Variants in GABRA2 observed in about 807,000 individuals in gnomAD.
GABRA2 encodes gamma-aminobutyric acid type A receptor subunit alpha2.
GABRA2 carries 16 observed loss-of-function variants against 48.7 expected under a neutral mutation model. The ratio of observed to expected loss-of-function variants is 0.33; its 90% confidence interval spans 0.22 to 0.50. The LOEUF (loss-of-function observed/expected upper bound fraction) is 0.50, where lower values mean the gene tolerates loss of function less well. Ranked by LOEUF, GABRA2 falls within the 20% of genes least tolerant of loss-of-function variation. The pLI is 0.98. For missense variants in GABRA2, 275 were observed against 535.6 expected, an observed-to-expected ratio of 0.51 and a Z score of 4.80; for synonymous variants, 185 against 184.5, an observed-to-expected ratio of 1.00 and a Z score of -0.02.
intron 3 of GABRA2, among the ~76,000 whole-genome samples, chr4:46,380,000 T>C (rs1328787415): frequency 6.6e-6 from 1 of 152,194 alleles, no homozygotes; most frequent in Admixed American, 6.5e-5. Flanking sequence ...AAGATAAGTA[T>C]GATGTGATCA....
intron 3 of GABRA2, among the ~76,000 whole-genome samples, chr4:46,360,202 T>C (rs553700947): frequency 1.3e-5 from 2 of 152,370 alleles, no homozygotes; most frequent in South Asian, 2.1e-4. Flanking sequence ...GATAAAAATG[T>C]ATACATTAAA....
In GABRA2 at chr4:46,349,459, C is replaced by T. The variant is rs145797905; in HGVS notation, c.188-16777G>A. Among the ~76,000 whole-genome samples, 19 of 151,972 alleles carry T rather than the reference C, an allele frequency of 1.3e-4. No individual in the cohort carries two copies. In the East Asian group the frequency reaches 3.1e-3, roughly 25 times the overall value. On this transcript the variant is annotated intron_variant, in intron 3 of 9. Transcript: ENST00000381620. ...ATGTAGGAAAATTGTTATGATGGTA[C>T]ATTGCTGAATTACATTAATCATATA...
At chr4:46,368,845 C>A (rs1714449658) in intron 3 of GABRA2, 5 of 472,622 alleles carry the variant, frequency 1.1e-5, no homozygotes, top group African/African-American at 3.9e-5. Flanking sequence ...AGATAAAACT[C>A]AACCCCCTTC....
At chr4:46,336,195 A>G (rs1464773390) in intron 3 of GABRA2, among the ~76,000 whole-genome samples, 3 of 152,168 alleles carry the variant, frequency 2.0e-5, no homozygotes, top group Non-Finnish European at 4.4e-5. Context: ...ATTCATGTAG[A>G]ATATCGATCT....
At chr4:46,302,133 A>C (rs1263033840) in intron 8 of GABRA2, among the ~76,000 whole-genome samples, 2 of 151,388 alleles carry the variant, frequency 1.3e-5, no homozygotes, top group African/African-American at 4.9e-5. Flanking sequence ...CAACGGCATG[A>C]TCATAGCTCA....
chr4:46,271,872 G>A lies in GABRA2; in HGVS notation c.857-9744C>T, dbSNP rs73244123. ...GCCATTTTCATATTGGCATCAATGT[G>A]AAGCTGCAGAGATATAAAAATTTTG... is the stretch of plus-strand genomic sequence containing the variant. On this transcript the variant is annotated intron_variant, in intron 8 of 9. Transcript: ENST00000381620. Among the ~76,000 whole-genome samples, 872 of 151,920 alleles carry A rather than the reference G, an allele frequency of 5.7e-3. 7 individuals carry two copies. The highest frequency in any genetic ancestry group is 8.9e-3 in the Non-Finnish European group (602 of 67,926).
intron 6 of GABRA2, among the ~76,000 whole-genome samples, chr4:46,307,580 C>T (rs1164656327): frequency 3.9e-5 from 6 of 151,932 alleles, no homozygotes; most frequent in Admixed American, 1.3e-4. Flanking sequence ...GTGACTCTGT[C>T]TGATTCATGC....
At chr4:46,377,673 C>G (rs1207062116) in intron 3 of GABRA2, among the ~76,000 whole-genome samples, 1 of 148,094 alleles carries the variant, frequency 6.8e-6, no homozygotes, top group Non-Finnish European at 1.5e-5. Flanking sequence ...CCGGCCGCCC[C>G]TACTGGGAAG....
chr4:46,311,972 G>A (rs2109687511), intron 5 of GABRA2, among the ~76,000 whole-genome samples: 1 of 152,258 alleles, frequency 6.6e-6, no homozygotes, highest in South Asian at 2.1e-4. Flanking sequence ...GGTGGCACGT[G>A]CCTGTAGTAT....
chr4:46,320,603 C>A (rs1287556251), intron 4 of GABRA2, among the ~76,000 whole-genome samples: 1 of 151,632 alleles, frequency 6.6e-6, no homozygotes, highest in Non-Finnish European at 1.5e-5. Flanking sequence ...GAATCTGAAT[C>A]GACAGTTCTC....
intron 8 of GABRA2, among the ~76,000 whole-genome samples, chr4:46,275,458 A>G (rs1456571416): frequency 6.6e-6 from 1 of 152,146 alleles, no homozygotes; most frequent in East Asian, 1.9e-4. Context: ...AAATATGGAC[A>G]AAGATGGCAG....
chr4:46,334,817 G>A (rs1221597513), intron 3 of GABRA2, among the ~76,000 whole-genome samples: 1 of 152,114 alleles, frequency 6.6e-6, no homozygotes, highest in Non-Finnish European at 1.5e-5. Flanking sequence ...CATAAACATA[G>A]CTAAATAATG....
At chr4:46,281,136 C>A (rs1023501685) in intron 8 of GABRA2, among the ~76,000 whole-genome samples, 1 of 152,068 alleles carries the variant, frequency 6.6e-6, no homozygotes, top group Non-Finnish European at 1.5e-5. Flanking sequence ...AGGGTATGAG[C>A]AAAGCTACAA....
chr4:46,341,962 GT>G (rs1733316645), intron 3 of GABRA2, among the ~76,000 whole-genome samples: 1 of 151,992 alleles, frequency 6.6e-6, no homozygotes, highest in African/African-American at 2.4e-5. Context: ...GCTAAGTCAA[GT>G]CAAATAAAGA....
Position 46,390,038 on chromosome 4 carries a change from A to C in GABRA2, c.-314T>G. On this transcript the variant is annotated 5_prime_UTR_variant, in exon 1 of 10. Transcript: ENST00000381620. ...GAGGAAGAGGAGGAGGGGGAAAACGATGACAGGAGCTGGGGCCGGGGGGGG... is the reference window on the plus strand; with the variant it reads ...GAGGAAGAGGAGGAGGGGGAAAACGCTGACAGGAGCTGGGGCCGGGGGGGG... 5.2e-6 allele frequency: 1 copy of C among 192,338 alleles called. No homozygotes were observed. The highest frequency in any genetic ancestry group is 6.6e-6 in the Non-Finnish European group (1 of 150,430). 11.9% of individuals were successfully genotyped at this position (192,338 alleles called of 1,614,324 possible).
At chr4:46,301,965 T>A (rs1725817775) in intron 8 of GABRA2, among the ~76,000 whole-genome samples, 3 of 152,100 alleles carry the variant, frequency 2.0e-5, no homozygotes, top group Non-Finnish European at 4.4e-5. Context: ...TATCTATATA[T>A]CCAAAAAGCA....
intron 4 of GABRA2, among the ~76,000 whole-genome samples, chr4:46,314,000 G>C (rs181543996): frequency 1.3e-5 from 2 of 152,050 alleles, no homozygotes; most frequent in Non-Finnish European, 2.9e-5. Flanking sequence ...AAAATCCTAG[G>C]TACTGGCATG....
intron 9 of GABRA2, among the ~76,000 whole-genome samples, chr4:46,257,829 G>C (rs1156863583): frequency 2.0e-5 from 3 of 151,602 alleles, no homozygotes; most frequent in African/African-American, 7.2e-5. Flanking sequence ...AGATATGTAA[G>C]GAGAATAATG....
intron 8 of GABRA2, among the ~76,000 whole-genome samples, chr4:46,297,638 C>T (rs976210966): frequency 6.6e-6 from 1 of 150,974 alleles, no homozygotes; most frequent in Middle Eastern, 3.4e-3. Context: ...TGAATTTTCT[C>T]TCTTTTTCTG....
Sources: allele counts gnomAD v4.1 joint callset (sites outside exome capture counted in the v4.1 genomes callset), GRCh38; gene constraint gnomAD v4.1.1; transcripts MANE v1.5; gene names NCBI Gene and HGNC (gene_info 2026-07-23, HGNC 2026-07-21).